Variants in KRT80 observed in about 807,000 individuals in gnomAD.
KRT80 encodes keratin, type II cytoskeletal 80.
KRT80 carries 36 observed loss-of-function variants against 51.5 expected under a neutral mutation model. That is an observed-to-expected ratio of 0.70 (90% CI 0.54 to 0.92). The LOEUF (loss-of-function observed/expected upper bound fraction) is 0.92. Ranked by LOEUF, KRT80 falls within the 40% of genes least tolerant of loss-of-function variation. The pLI is 0.00. For missense variants in KRT80, 566 were observed against 591.7 expected (o/e 0.96, Z 0.45); for synonymous variants, 235 against 248.3 (o/e 0.95, Z 0.50).
chr12:52,180,647 T>A (rs959837033), intron 3 of KRT80, 39 bp from the exon 4 acceptor site: 16 of 1,542,124 alleles, frequency 1.0e-5, no homozygotes, highest in Admixed American at 4.0e-5. Context: ...GGAGAGGGAA[T>A]GGAGGGTCCC....
At chr12:52,184,102 C>T (rs1055327448) in intron 2 of KRT80, among the ~76,000 whole-genome samples, 1 of 152,198 alleles carries the variant, frequency 6.6e-6, no homozygotes, top group Non-Finnish European at 1.5e-5. Context: ...CAGCCCAGGT[C>T]TCTGGACTCC....
rs1328801101 is a variant in KRT80 at position 52,171,389 on chromosome 12, C to T, written c.*9G>A. ...TGGAGTGCCCTGGGGTTCCTGGGGT[C>T]CAGCCGCCTTACTCTGAGACCTCCG... is the stretch of plus-strand genomic sequence containing the variant. On this transcript the variant is annotated 3_prime_UTR_variant, in exon 9 of 9. Transcript: ENST00000394815. 3.2e-6 allele frequency: 5 copies of T among 1,567,662 alleles called. No individual in the cohort carries two copies. In the African/African-American group the frequency reaches 5.4e-5, roughly 17 times the overall value.
At chr12:52,175,937 T>G (rs531665835) in intron 4 of KRT80, among the ~76,000 whole-genome samples, 9 of 152,234 alleles carry the variant, frequency 5.9e-5, no homozygotes, top group African/African-American at 1.7e-4. Flanking sequence ...TGAGGCTGTT[T>G]TGGTTGACAC....
chr12:52,178,139 C>T (rs1036308575), intron 4 of KRT80, among the ~76,000 whole-genome samples: 1 of 152,148 alleles, frequency 6.6e-6, no homozygotes, highest in Non-Finnish European at 1.5e-5. Flanking sequence ...ATTTCAACCC[C>T]ATCTTGCTGC....
intron 4 of KRT80, among the ~76,000 whole-genome samples, chr12:52,178,046 C>G (rs1941260992): frequency 6.6e-6 from 1 of 152,196 alleles, no homozygotes; most frequent in African/African-American, 2.4e-5. Context: ...AAGACACCCT[C>G]TGGTGTGGGG....
At chr12:52,172,889 C>A in intron 6 of KRT80, 149 bp downstream of exon 6, 1 of 866,544 alleles carries the variant, frequency 1.2e-6, no homozygotes, top group Non-Finnish European at 1.7e-6. Context: ...GTGCTATTAT[C>A]CCATTTGACA....
intron 4 of KRT80, among the ~76,000 whole-genome samples, chr12:52,176,630 C>G (rs1020027079): frequency 6.6e-6 from 1 of 152,084 alleles, no homozygotes; most frequent in Non-Finnish European, 1.5e-5. Flanking sequence ...TACAGGCATG[C>G]GCCACCTCAC....
chr12:52,174,848 G>C (rs1486520842), intron 4 of KRT80, among the ~76,000 whole-genome samples: 1 of 152,176 alleles, frequency 6.6e-6, no homozygotes, highest in Non-Finnish European at 1.5e-5. Flanking sequence ...TAGGGAGGCA[G>C]GTGGGACCAG....
rs140573582 is a variant in KRT80, at chr12:52,176,296, A to G, written c.667-2532T>C. ...CCCCTGGAGAGCACGTGAGCCTCCA[A>G]ATGGTTAAGAATTAAGCCGAAGTAC... On this transcript the variant is annotated intron_variant, in intron 4 of 8. Coordinates refer to ENST00000394815, the MANE Select transcript of KRT80 (RefSeq NM_182507.3). Among the ~76,000 whole-genome samples the G allele has an allele frequency of 7.9e-3, 1,210 of 152,204 alleles. 21 individuals carry two copies. The highest frequency in any genetic ancestry group is 0.027 in the African/African-American group (1,129 of 41,530).
chr12:52,173,035 C>T lies in KRT80; in HGVS notation c.957+3G>A, dbSNP rs896453563. 2 of 1,605,392 alleles carry T rather than the reference C, an allele frequency of 1.2e-6. No homozygotes were observed. The highest frequency in any genetic ancestry group is 1.7e-6 in the Non-Finnish European group (2 of 1,173,864). The stretch of plus-strand genomic sequence containing the variant: ...CCCCCAGGCGCGTCCCCCAGATACT[C>T]ACATGGCTCTTGACAGAGAGGATCT... On this transcript the variant is annotated splice_donor_region_variant and intron_variant, in intron 6 of 8. Transcript: ENST00000394815.
intron 4 of KRT80, among the ~76,000 whole-genome samples, chr12:52,176,482 CTT>C (rs11355892): frequency 4.1e-4 from 58 of 140,568 alleles, no homozygotes; most frequent in Middle Eastern, 3.8e-3. Context: ...TCTTCTTCTT[CTT>C]TTTTTTTTTT....
At chr12:52,184,736 GAT>G (rs746171595) in intron 2 of KRT80, among the ~76,000 whole-genome samples, 11 of 152,178 alleles carry the variant, frequency 7.2e-5, no homozygotes, top group Non-Finnish European at 1.2e-4. Context: ...TAAATGCTGG[GAT>G]ATACTGCCCA....
intron 4 of KRT80, among the ~76,000 whole-genome samples, chr12:52,177,049 G>A (rs1941237624): frequency 6.6e-6 from 1 of 152,188 alleles, no homozygotes; most frequent in Non-Finnish European, 1.5e-5. Context: ...GCCTGCTCCA[G>A]TTCCCACAGT....
At position 52,171,258 on chromosome 12, in the gene KRT80, C is replaced by T; in HGVS notation, c.*140G>A. The T allele has an allele frequency of 1.1e-6, 1 of 882,590 alleles. No individual in the cohort carries two copies. Among genetic ancestry groups the T allele is most frequent in the Non-Finnish European group, 1.7e-6 (1 of 576,710 alleles). The allele number at this position is 882,590 out of a possible 1,614,324, so 54.7% of individuals were successfully genotyped here. On this transcript the variant is annotated 3_prime_UTR_variant, in exon 9 of 9. Coordinates refer to ENST00000394815, the MANE Select transcript of KRT80 (RefSeq NM_182507.3). ...ACCCTGGCAGCCCACAAAACACAGTCAGTTTTGAACCCCTCTCTCAGTTCA... is the reference window on the plus strand; with the variant it reads ...ACCCTGGCAGCCCACAAAACACAGTTAGTTTTGAACCCCTCTCTCAGTTCA...
Position 52,171,355 on chromosome 12 carries a change from C to T in KRT80, c.*43G>A. On this transcript the variant is annotated 3_prime_UTR_variant, in exon 9 of 9. Transcript: ENST00000394815. ...TTCTTGAGTCTAGCTTAAGTCCCTC[C>T]TGCTGCAGTGGAGTGCCCTGGGGTT... The T allele has an allele frequency of 6.5e-7, 1 of 1,531,012 alleles. No homozygotes were observed. The highest frequency in any genetic ancestry group is 8.8e-7 in the Non-Finnish European group (1 of 1,140,090). 94.8% of individuals were successfully genotyped at this position (1,531,012 alleles called of 1,614,324 possible). A position where few individuals can be genotyped will look rare whatever the true frequency, so the allele number is the denominator to read the frequency against.
At chr12:52,189,878 C>T (rs1400757072) in intron 1 of KRT80, among the ~76,000 whole-genome samples, 1 of 152,262 alleles carries the variant, frequency 6.6e-6, no homozygotes, top group African/African-American at 2.4e-5. Context: ...TGCTTATATC[C>T]TCCCATCCCC....
At chr12:52,187,468 T>C (rs1407452871) in intron 1 of KRT80, among the ~76,000 whole-genome samples, 1 of 152,180 alleles carries the variant, frequency 6.6e-6, no homozygotes, top group African/African-American at 2.4e-5. Context: ...CTTCGTAGGC[T>C]CCCGAACGGT....
chr12:52,177,298 C>A (rs1941243103), intron 4 of KRT80, among the ~76,000 whole-genome samples: 1 of 152,196 alleles, frequency 6.6e-6, no homozygotes, highest in Non-Finnish European at 1.5e-5. Flanking sequence ...ATTCTCGGGG[C>A]AGCCTCCATG....
At chr12:52,181,936 T>C (rs891206713) in intron 2 of KRT80, among the ~76,000 whole-genome samples, 2 of 152,240 alleles carry the variant, frequency 1.3e-5, no homozygotes, top group South Asian at 2.1e-4. Flanking sequence ...TACAGCCGCC[T>C]GCCTACCTCA....
Sources: allele counts gnomAD v4.1 joint callset (sites outside exome capture counted in the v4.1 genomes callset), GRCh38; gene constraint gnomAD v4.1.1; transcripts MANE v1.5; gene names NCBI Gene and HGNC (gene_info 2026-07-23, HGNC 2026-07-21).